Variants in DSCAM observed in about 807,000 individuals in gnomAD.
DSCAM encodes the protein cell adhesion molecule DSCAM.
Under a neutral mutation model 217.7 loss-of-function variants are expected in DSCAM, and 47 were observed. The ratio of observed to expected loss-of-function variants is 0.22; its 90% CI spans 0.17 to 0.28. The LOEUF (loss-of-function observed/expected upper bound fraction) is 0.28. Among genes scored for constraint, DSCAM ranks in the 10% least tolerant of loss-of-function variants. The pLI, the probability that DSCAM is intolerant of heterozygous loss-of-function variation, is 1.00. For synonymous variants in DSCAM, 1,056 were observed against 1,015.3 expected (o/e 1.04, Z -0.76); for missense variants, 2,080 against 2,618.3 (o/e 0.79, Z 4.49).
At chr21:40,827,657 T>A (rs1426481598) in intron 1 of DSCAM, among the ~76,000 whole-genome samples, 4 of 152,042 alleles carry the variant, frequency 2.6e-5, no homozygotes, top group Non-Finnish European at 5.9e-5. Flanking sequence ...CTAATCGAAG[T>A]GTGTACAGAC....
At chr21:40,775,489 C>T (rs896130292) in intron 1 of DSCAM, among the ~76,000 whole-genome samples, 22 of 152,088 alleles carry the variant, frequency 1.4e-4, no homozygotes, top group Non-Finnish European at 2.5e-4. Context: ...GTGCACCATC[C>T]AATTCGCTGG....
At chr21:40,273,910 G>A (rs969185525) in intron 11 of DSCAM, among the ~76,000 whole-genome samples, 4 of 152,102 alleles carry the variant, frequency 2.6e-5, no homozygotes, top group Admixed American at 2.0e-4. Context: ...CTTTTCAAAG[G>A]CCTCAGATTC....
intron 11 of DSCAM, among the ~76,000 whole-genome samples, chr21:40,229,199 C>A (rs1025176479): frequency 5.3e-5 from 8 of 152,194 alleles, no homozygotes. Flanking sequence ...TTCTTTTTGC[C>A]TTTAGTCATA....
At chr21:40,400,531 G>T (rs2075224029) in intron 3 of DSCAM, among the ~76,000 whole-genome samples, 1 of 151,984 alleles carries the variant, frequency 6.6e-6, no homozygotes, top group South Asian at 2.1e-4. Flanking sequence ...TTTAGACAGG[G>T]TCTGGGTTTC....
intron 1 of DSCAM, among the ~76,000 whole-genome samples, chr21:40,738,884 G>A (rs575413081): frequency 7.9e-5 from 12 of 152,256 alleles, no homozygotes; most frequent in Non-Finnish European, 1.0e-4. Flanking sequence ...CAGCAGGGGC[G>A]AGTCACACGG....
intron 3 of DSCAM, among the ~76,000 whole-genome samples, chr21:40,467,400 C>T (rs1251291265): frequency 6.6e-6 from 1 of 152,136 alleles, no homozygotes; most frequent in African/African-American, 2.4e-5. Context: ...TTATGACTTA[C>T]TTGTCTATAT....
At chr21:40,370,469 T>C (rs117264599) in intron 3 of DSCAM, among the ~76,000 whole-genome samples, 3,456 of 152,300 alleles carry the variant, frequency 0.023, 74 homozygotes, top group Middle Eastern at 0.085. Flanking sequence ...AGTTGAAACA[T>C]CCTTTAGTTT....
Position 40,473,413 on chromosome 21 carries a change from C to T in DSCAM, c.509-104168G>A, listed in dbSNP as rs552021974. Among the ~76,000 whole-genome samples the T allele has an allele frequency of 2.6e-5, 4 of 152,320 alleles. 1 individual carries two copies. Among genetic ancestry groups the T allele is most frequent in the African/African-American group, 9.6e-5 (4 of 41,560 alleles). On this transcript the variant is annotated intron_variant, in intron 3 of 32. Coordinates refer to ENST00000400454, the MANE Select transcript of DSCAM (RefSeq NM_001389.5). ...AATCAAGAGGGGGCTGAGAAGCCAT[C>T]TGACAATAACGGCCAACCTAATGGC... is the stretch of plus-strand genomic sequence containing the variant.
At chr21:40,544,335 C>T (rs1231969410) in intron 3 of DSCAM, among the ~76,000 whole-genome samples, 2 of 152,014 alleles carry the variant, frequency 1.3e-5, no homozygotes, top group Admixed American at 6.6e-5. Flanking sequence ...GCGGTGTCAC[C>T]CCAAAATTAA....
intron 18 of DSCAM, among the ~76,000 whole-genome samples, chr21:40,141,278 G>A (rs752490434): frequency 6.6e-6 from 1 of 152,198 alleles, no homozygotes; most frequent in Non-Finnish European, 1.5e-5. Flanking sequence ...CCCAAAATTA[G>A]AGGTGAGCAC....
intron 14 of DSCAM, among the ~76,000 whole-genome samples, chr21:40,182,528 A>G (rs954260865): frequency 2.0e-5 from 3 of 151,092 alleles, no homozygotes; most frequent in Non-Finnish European, 4.4e-5. Flanking sequence ...AACTGTGGAC[A>G]GCAGAGGCCA....
intron 9 of DSCAM, among the ~76,000 whole-genome samples, chr21:40,308,913 C>T (rs917997873): frequency 6.6e-6 from 1 of 152,156 alleles, no homozygotes; most frequent in African/African-American, 2.4e-5. Flanking sequence ...ACTGGAGCTT[C>T]ACACCATGGT....
At chr21:40,273,252 TA>T (rs1245978032) in intron 11 of DSCAM, among the ~76,000 whole-genome samples, 1 of 152,234 alleles carries the variant, frequency 6.6e-6, no homozygotes, top group Non-Finnish European at 1.5e-5. Context: ...ATTTTCATGA[TA>T]ACTCTATGAA....
chr21:40,061,547 C>T (rs575267426), intron 28 of DSCAM, among the ~76,000 whole-genome samples: 3 of 140,390 alleles, frequency 2.1e-5, no homozygotes, highest in Non-Finnish European at 3.0e-5. Context: ...CCAGCCTGGG[C>T]GACAAGAGCA....
intron 32 of DSCAM, among the ~76,000 whole-genome samples, chr21:40,015,950 G>A (rs1412662053): frequency 2.0e-5 from 3 of 152,170 alleles, no homozygotes; most frequent in African/African-American, 7.2e-5. Flanking sequence ...ACTTTTTGAG[G>A]AACAGGCAGA....
intron 1 of DSCAM, among the ~76,000 whole-genome samples, chr21:40,755,540 T>G (rs1377020168): frequency 6.6e-6 from 1 of 152,042 alleles, no homozygotes; most frequent in African/African-American, 2.4e-5. Context: ...TGGGTATGGT[T>G]TAGATGATAG....
intron 32 of DSCAM, among the ~76,000 whole-genome samples, chr21:40,015,043 C>G (rs150467098): frequency 1.3e-5 from 2 of 152,254 alleles, no homozygotes; most frequent in East Asian, 3.9e-4. Context: ...CTCTGTCTTT[C>G]CTCTAAATAC....
chr21:40,785,330 A>G (rs2178852), intron 1 of DSCAM, among the ~76,000 whole-genome samples: 101,741 of 152,012 alleles, frequency 0.67, 34,429 homozygotes, highest in South Asian at 0.78. Context: ...TGTAAGAGAA[A>G]TTATTCAATC....
chr21:40,792,137 C>CTTTTTTTTTTTTTT (rs67838146), intron 1 of DSCAM, among the ~76,000 whole-genome samples: 2 of 118,606 alleles, frequency 1.7e-5, no homozygotes, highest in Non-Finnish European at 1.7e-5. Context: ...TCTTCTTCTT[C>CTTTTTTTTTTTTTT]TTTTTTTTTT....
Sources: allele counts gnomAD v4.1 joint callset (sites outside exome capture counted in the v4.1 genomes callset), GRCh38; gene constraint gnomAD v4.1.1; transcripts MANE v1.5; gene names NCBI Gene and HGNC (gene_info 2026-07-23, HGNC 2026-07-21).